The following EYA1 variants were observed in gnomAD, a reference collection of about 807,000 sequenced individuals.
EYA1 encodes EYA transcriptional coactivator and phosphatase 1, also known as protein phosphatase EYA1.
A neutral mutation model predicts 82.0 loss-of-function variants in EYA1; 16 were observed. The observed-to-expected ratio is 0.20, with a 90% CI of 0.13 to 0.30. The LOEUF (loss-of-function observed/expected upper bound fraction) is 0.30, where lower values mean the gene tolerates loss of function less well. Among genes scored for constraint, EYA1 ranks in the 10% least tolerant of loss-of-function variants. The pLI is 1.00. For missense variants in EYA1, 633 were observed against 730.7 expected (o/e 0.87, Z 1.54); for synonymous variants, 261 against 264.4 (o/e 0.99, Z 0.12).
rs544191491 is a variant in EYA1 at position 71,447,574 on chromosome 8, C to A, written c.33+88170G>T. Among the ~76,000 whole-genome samples the A allele has an allele frequency of 3.3e-5, 5 of 152,240 alleles. No homozygotes were observed. In the South Asian group the frequency reaches 1.0e-3, roughly 32 times the overall value. ...TATATTGATTTAAGTTTTGATAATT[C>A]ATTGCCACTGAATGCTAATACAGGC... On this transcript the variant is annotated intron_variant, in intron 2 of 18. Transcript: ENST00000643681.
At chr8:71,491,568 A>G (rs1457174608) in intron 2 of EYA1, among the ~76,000 whole-genome samples, 2 of 152,220 alleles carry the variant, frequency 1.3e-5, no homozygotes, top group Non-Finnish European at 2.9e-5. Context: ...AGAGGAGATT[A>G]GAACACAGAC....
rs1014926075 is a variant in EYA1, at chr8:71,361,661, C to G, written c.-69G>C. The G allele has an allele frequency of 4.1e-6, 4 of 985,300 alleles. No individual in the cohort carries two copies. The African/African-American group carries it at 7.0e-5, about 17-fold the overall frequency. 61.0% of individuals were successfully genotyped at this position (985,300 alleles called of 1,614,324 possible). Reference sequence around the variant, plus strand: ...CTTGTACTTACAGCGCTTACATCTGCTGCATCCACCAGTTTAATGTGTTCC... The same window carrying G: ...CTTGTACTTACAGCGCTTACATCTGGTGCATCCACCAGTTTAATGTGTTCC... On this transcript the variant is annotated 5_prime_UTR_variant, in exon 1 of 18. Coordinates refer to ENST00000340726, the MANE Select transcript of EYA1 (RefSeq NM_000503.6).
At chr8:71,416,911 T>G (rs577033031) in intron 2 of EYA1, among the ~76,000 whole-genome samples, 14 of 152,298 alleles carry the variant, frequency 9.2e-5, no homozygotes, top group African/African-American at 3.4e-4. Flanking sequence ...AGTGAGGGTG[T>G]TGCCAAAGGA....
chr8:71,528,120 C>T (rs1813956009), intron 2 of EYA1, among the ~76,000 whole-genome samples: 1 of 152,164 alleles, frequency 6.6e-6, no homozygotes, highest in African/African-American at 2.4e-5. Context: ...TCTCACACTC[C>T]TGCATGTTAA....
At chr8:71,456,824 C>A (rs542857227) in intron 2 of EYA1, among the ~76,000 whole-genome samples, 2 of 152,164 alleles carry the variant, frequency 1.3e-5, no homozygotes, top group Non-Finnish European at 2.9e-5. Flanking sequence ...AAAACCTAGG[C>A]AATACCATTC....
chr8:71,225,428 G>T (rs934689211), intron 12 of EYA1: 1 of 370,154 alleles, frequency 2.7e-6, no homozygotes, highest in Non-Finnish European at 5.4e-6. Flanking sequence ...ACACCATGAT[G>T]CTTCCTTGCA....
chr8:71,273,137 A>T (rs1202463853), intron 9 of EYA1, among the ~76,000 whole-genome samples: 1 of 152,234 alleles, frequency 6.6e-6, no homozygotes, highest in African/African-American at 2.4e-5. Context: ...ACAGCTCTAT[A>T]CCTCTTATTT....
At chr8:71,341,034 T>C (rs1475893466) in intron 3 of EYA1, among the ~76,000 whole-genome samples, 2 of 152,220 alleles carry the variant, frequency 1.3e-5, no homozygotes, top group Non-Finnish European at 2.9e-5. Flanking sequence ...AAGTGTCTCA[T>C]TTACAGGACA....
At chr8:71,477,914 A>C (rs2129208321) in intron 2 of EYA1, among the ~76,000 whole-genome samples, 1 of 152,294 alleles carries the variant, frequency 6.6e-6, no homozygotes, top group East Asian at 1.9e-4. Context: ...GTGAAGTATG[A>C]ATACATGCTG....
At chr8:71,546,818 A>G (rs900821167) in intron 1 of EYA1, among the ~76,000 whole-genome samples, 8 of 152,138 alleles carry the variant, frequency 5.3e-5, no homozygotes, top group Non-Finnish European at 1.0e-4. Flanking sequence ...TCTTTTGAAT[A>G]TATAATCAAT....
chr8:71,450,020 C>T (rs1002185086), intron 2 of EYA1, among the ~76,000 whole-genome samples: 39 of 152,178 alleles, frequency 2.6e-4, no homozygotes, highest in Non-Finnish European at 5.0e-4. Context: ...AGAGTTAGGG[C>T]CTTGTTCTAG....
chr8:71,310,933 C>A (rs1821269119), intron 7 of EYA1, among the ~76,000 whole-genome samples: 1 of 151,906 alleles, frequency 6.6e-6, no homozygotes, highest in African/African-American at 2.4e-5. Context: ...ATCACTAGAA[C>A]TAAGCTATTA....
chr8:71,211,101 A>ATAC, intron 17 of EYA1, 55 bp downstream of exon 17: 1 of 1,072,532 alleles, frequency 9.3e-7, no homozygotes, highest in Non-Finnish European at 1.5e-6. Flanking sequence ...AGTTATGAGA[A>ATAC]TACTGAGGAC....
At chr8:71,393,892 C>T (rs888469442) in intron 2 of EYA1, among the ~76,000 whole-genome samples, 1 of 152,134 alleles carries the variant, frequency 6.6e-6, no homozygotes, top group African/African-American at 2.4e-5. Flanking sequence ...ATGGTTGAAC[C>T]AGTTTACAGT....
intron 2 of EYA1, among the ~76,000 whole-genome samples, chr8:71,514,490 C>G (rs996430825): frequency 1.3e-5 from 2 of 152,198 alleles, no homozygotes; most frequent in East Asian, 1.9e-4. Context: ...AAGACATACT[C>G]AAGACTGGGA....
At chr8:71,500,551 GACAAACAA>G (rs543148236) in intron 2 of EYA1, among the ~76,000 whole-genome samples, 2 of 152,062 alleles carry the variant, frequency 1.3e-5, no homozygotes, top group African/African-American at 4.8e-5. Context: ...GTACATAACA[GACAAACAA>G]ACAAACAAAC....
At chr8:71,394,850 G>T (rs1304504116) in intron 2 of EYA1, among the ~76,000 whole-genome samples, 1 of 152,136 alleles carries the variant, frequency 6.6e-6, no homozygotes, top group Admixed American at 6.5e-5. Flanking sequence ...TAGCTTGATG[G>T]GGATGGCATT....
intron 12 of EYA1, among the ~76,000 whole-genome samples, chr8:71,228,407 A>G (rs901542092): frequency 2.4e-4 from 37 of 152,054 alleles, no homozygotes; most frequent in Non-Finnish European, 7.4e-5. Flanking sequence ...CTGCCCCCAA[A>G]TCATTGGGTG....
At chr8:71,268,569 C>T (rs1276673045) in intron 11 of EYA1, among the ~76,000 whole-genome samples, 3 of 152,126 alleles carry the variant, frequency 2.0e-5, no homozygotes, top group Non-Finnish European at 4.4e-5. Context: ...ATTTTATAAT[C>T]TGCATTTTTG....
Sources: allele counts gnomAD v4.1 joint callset (sites outside exome capture counted in the v4.1 genomes callset), GRCh38; gene constraint gnomAD v4.1.1; transcripts MANE v1.5; gene names NCBI Gene and HGNC (gene_info 2026-07-23, HGNC 2026-07-21).